NUDC: variants seen among roughly 807,000 people sequenced by gnomAD.
NUDC encodes the protein nuclear migration protein nudC.
Under a neutral mutation model 45.0 loss-of-function variants are expected in NUDC, and 14 were observed. The observed-to-expected ratio is 0.31, with a 90% CI of 0.21 to 0.49. The LOEUF (loss-of-function observed/expected upper bound fraction) is 0.49, where lower values mean the gene tolerates loss of function less well. Ranked by LOEUF, NUDC falls within the 20% of genes least tolerant of loss-of-function variation. The pLI, the probability that NUDC is intolerant of heterozygous loss-of-function variation, is 0.99. For synonymous variants in NUDC, 153 were observed against 156.7 expected, an observed-to-expected ratio of 0.98 and a Z score of 0.17; for missense variants, 323 against 426.2, an observed-to-expected ratio of 0.76 and a Z score of 2.13.
intron 2 of NUDC, among the ~76,000 whole-genome samples, chr1:26,904,787 G>A (rs1320193172): frequency 6.6e-6 from 1 of 151,842 alleles, no homozygotes; most frequent in Non-Finnish European, 1.5e-5. Context: ...TTCTTCTGCT[G>A]GATATAGAAA....
In NUDC at chr1:26,941,474, C is replaced by G; in HGVS notation, c.177C>G (p.Phe59Leu). The G allele has an allele frequency of 6.2e-7, 1 of 1,614,032 alleles. No individual in the cohort carries two copies. Among genetic ancestry groups the G allele is most frequent in the Non-Finnish European group, 8.5e-7 (1 of 1,180,030 alleles). ...CTCTCCAGCTTATCACACAGACTTT[C>G]AGCCACCACAATCAGCTGGCACAGA... is the stretch of plus-strand genomic sequence containing the variant. ...GMAEKLITQTFSHHNQLAQKT... is the reference protein window; with the variant it reads ...GMAEKLITQTLSHHNQLAQKT... The change falls in exon 3 of 9, where the codon TTC (phenylalanine) becomes TTG (leucine). Residue 59 changes from phenylalanine to leucine, a missense_variant. This residue lies in a region of NUDC where 245 missense variants were observed against 278.8 expected (regional missense o/e 0.88). Coordinates refer to ENST00000321265, the MANE Select transcript of NUDC (RefSeq NM_006600.4).
chr1:26,911,372 A>G (rs970360508), intron 3 of NUDC: 2 of 349,520 alleles, frequency 5.7e-6, no homozygotes, highest in Non-Finnish European at 1.1e-5. Context: ...TCCCTGGAAA[A>G]TTAGCTCCAG....
At chr1:26,933,244 T>G (rs1557676644) in intron 2 of NUDC, among the ~76,000 whole-genome samples, 1 of 152,044 alleles carries the variant, frequency 6.6e-6, no homozygotes, top group Non-Finnish European at 1.5e-5. Flanking sequence ...CAATTTTTTT[T>G]TTTAAATCTA....
At chr1:26,902,357 T>C (rs2081983475) in exon 2 of NUDC, 1 of 152,246 alleles carries the variant, frequency 6.6e-6, no homozygotes, top group Non-Finnish European at 1.5e-5. Context: ...GAGAATAGGC[T>C]GGCTTCAAGG....
At chr1:26,919,438 G>A (rs960564443), upstream of NUDC, among the ~76,000 whole-genome samples, 12 of 152,178 alleles carry the variant, frequency 7.9e-5, no homozygotes, top group Admixed American at 2.0e-4. Context: ...TGGGATTACA[G>A]GCATGAGCCT....
chr1:26,921,693 G>A, upstream of NUDC: 1 of 736,912 alleles, frequency 1.4e-6, no homozygotes, highest in Non-Finnish European at 2.3e-6. Flanking sequence ...GAAGAGAGGA[G>A]GTGGAGGCGG....
chr1:26,932,964 AATTTT>A (rs2082195555), intron 2 of NUDC, among the ~76,000 whole-genome samples: 1 of 150,990 alleles, frequency 6.6e-6, no homozygotes, highest in Non-Finnish European at 1.5e-5. Context: ...TATATATCAC[AATTTT>A]TTTTTTTCTT....
Position 26,946,318 on chromosome 1 carries a change from A to G in NUDC, c.*137A>G. 1.3e-6 allele frequency: 1 copy of G among 787,430 alleles called. No individual in the cohort carries two copies. The highest frequency in any genetic ancestry group is 1.7e-5 in the African/African-American group (1 of 58,762). The allele number at this position is 787,430 out of a possible 1,614,324, so 48.8% of individuals were successfully genotyped here. A position where few individuals can be genotyped will look rare whatever the true frequency, so the allele number is the denominator to read the frequency against. ...GGCCCAGGCACACAGGTCCCGGGGC[A>G]TCAGGAGAAAGGCTGGGTCTTGGGA... On this transcript the variant is annotated 3_prime_UTR_variant, in exon 9 of 9. Coordinates refer to ENST00000321265, the MANE Select transcript of NUDC (RefSeq NM_006600.4).
rs182013649 is a variant in NUDC at position 26,935,141 on chromosome 1, C to G, written c.160-6316C>G. ...GGATTACAGGTGCCTGCCACCACGC[C>G]TGGCTAATTTTTGTATTTTTAGTAG... is the stretch of plus-strand genomic sequence containing the variant. On this transcript the variant is annotated intron_variant, in intron 2 of 8. Coordinates refer to ENST00000321265, the MANE Select transcript of NUDC (RefSeq NM_006600.4). 1.9e-3 allele frequency among the ~76,000 whole-genome samples: 294 copies of G among 152,166 alleles called. 1 individual carries two copies. Among genetic ancestry groups the G allele is most frequent in the Non-Finnish European group, 3.2e-3 (218 of 67,996 alleles).
chr1:26,929,944 A>C (rs1226085675), intron 2 of NUDC, among the ~76,000 whole-genome samples: 1 of 152,092 alleles, frequency 6.6e-6, no homozygotes, highest in Non-Finnish European at 1.5e-5. Context: ...GAATCACTTG[A>C]ACCCAGGAGG....
intron 8 of NUDC, 77 bp downstream of exon 8, chr1:26,945,763 C>G: frequency 9.9e-7 from 1 of 1,013,072 alleles, no homozygotes. Flanking sequence ...GTGAGTGGAT[C>G]ACTGCGCTGC....
At chr1:26,912,115 GT>G (rs774915728) in intron 3 of NUDC, 2 of 1,611,890 alleles carry the variant, frequency 1.2e-6, no homozygotes, top group Non-Finnish European at 1.7e-6. Context: ...AAGAGGGCTG[GT>G]GAGCACCCTA....
upstream of NUDC, among the ~76,000 whole-genome samples, chr1:26,921,565 A>T (rs758078939): frequency 5.1e-4 from 77 of 152,162 alleles, no homozygotes; most frequent in Non-Finnish European, 6.3e-4. Context: ...TCTCGGGCCC[A>T]CGGCTCCGCC....
At chr1:26,934,948 C>T (rs36117054) in intron 2 of NUDC, among the ~76,000 whole-genome samples, 10,191 of 149,294 alleles carry the variant, frequency 0.068, 376 homozygotes, top group Non-Finnish European at 0.079. Flanking sequence ...TGAACCACCG[C>T]GCCCGGCCAG....
chr1:26,908,171 C>T (rs1409954665), intron 2 of NUDC, among the ~76,000 whole-genome samples: 2 of 151,518 alleles, frequency 1.3e-5, no homozygotes, highest in African/African-American at 4.9e-5. Context: ...AAGAGTGAAA[C>T]TCCATCTAAA....
chr1:26,920,480 A>T (rs1359971356), upstream of NUDC, among the ~76,000 whole-genome samples: 1 of 145,098 alleles, frequency 6.9e-6, no homozygotes, highest in East Asian at 2.0e-4. Context: ...GACTTGGTCT[A>T]AAAAAAAAAA....
At chr1:26,935,694 A>G (rs2082223869) in intron 2 of NUDC, among the ~76,000 whole-genome samples, 1 of 152,004 alleles carries the variant, frequency 6.6e-6, no homozygotes, top group Non-Finnish European at 1.5e-5. Flanking sequence ...AGATGATATC[A>G]TATATCATCT....
chr1:26,925,408 C>T (rs1444102628), intron 2 of NUDC, among the ~76,000 whole-genome samples: 2 of 150,566 alleles, frequency 1.3e-5, no homozygotes, highest in South Asian at 2.1e-4. Context: ...GGCGAGGTGG[C>T]GGGCGCCTGT....
At chr1:26,926,679 A>C (rs967606767) in intron 2 of NUDC, among the ~76,000 whole-genome samples, 2 of 151,666 alleles carry the variant, frequency 1.3e-5, no homozygotes, top group African/African-American at 4.9e-5. Flanking sequence ...AGCCCACTGC[A>C]ACTTCTGCCT....
Sources: gnomAD v4.1 joint callset for allele counts (sites outside exome capture counted in the v4.1 genomes callset) on GRCh38, gnomAD v4.1.1 for gene constraint, gnomAD v4.1.1 regional missense constraint, MANE v1.5 for transcripts, NCBI Gene and HGNC (gene_info 2026-07-23, HGNC 2026-07-21) for gene names.